Variants in SEMA4D observed in about 807,000 individuals in gnomAD.
The protein encoded by SEMA4D is semaphorin 4D.
Under a neutral mutation model 74.8 loss-of-function variants are expected in SEMA4D, and 22 were observed. The observed-to-expected ratio is 0.29, with a 90% CI of 0.21 to 0.42. The LOEUF is 0.42. Among genes scored for constraint, SEMA4D ranks in the 10% least tolerant of loss-of-function variants. The pLI is 1.00. For synonymous variants in SEMA4D, 445 were observed against 463.7 expected, an observed-to-expected ratio of 0.96 and a Z score of 0.52; for missense variants, 937 against 1,118.4, an observed-to-expected ratio of 0.84 and a Z score of 2.31.
At chr9:89,452,490 C>T (rs1854834827) in intron 2 of SEMA4D, among the ~76,000 whole-genome samples, 1 of 151,922 alleles carries the variant, frequency 6.6e-6, no homozygotes, top group South Asian at 2.1e-4. Flanking sequence ...TTCACTCTGT[C>T]GCCTAGGCTG....
chr9:89,424,725 G>A (rs1389297479), intron 2 of SEMA4D, among the ~76,000 whole-genome samples: 3 of 150,512 alleles, frequency 2.0e-5, no homozygotes, highest in Middle Eastern at 3.4e-3. Context: ...TCACACCCAC[G>A]GTTCATACCA....
chr9:89,481,123 C>T (rs968138970), intron 1 of SEMA4D, among the ~76,000 whole-genome samples: 2 of 152,258 alleles, frequency 1.3e-5, no homozygotes, highest in African/African-American at 2.4e-5. Flanking sequence ...GGGTAGATGG[C>T]AGCAGATTGA....
chr9:89,388,966 T>A lies in SEMA4D; in HGVS notation c.856A>T (p.Ser286Cys). 6.2e-7 allele frequency: 1 copy of A among 1,614,164 alleles called. No homozygotes were observed. The highest frequency in any genetic ancestry group is 8.5e-7 in the Non-Finnish European group (1 of 1,180,028). The change falls in exon 10 of 16, where the codon AGC (serine) becomes TGC (cysteine). Residue 286 changes from serine (S) to cysteine (C), a missense_variant. Transcript: ENST00000422704. ...KARLICSRPD[S>C]GLVFNVLRDV... ...CGCAGCACATTGAAGACCAAGCCGCTGTCTGGCCGGGAGCAGATGAGTCGG... is the reference window on the plus strand; with the variant it reads ...CGCAGCACATTGAAGACCAAGCCGCAGTCTGGCCGGGAGCAGATGAGTCGG...
At position 89,440,527 on chromosome 9, in the gene SEMA4D, C is replaced by T. The variant is rs566789381; in HGVS notation, c.-244+15361G>A. Among the ~76,000 whole-genome samples the T allele has an allele frequency of 1.6e-4, 25 of 152,298 alleles. No homozygotes were observed. The South Asian group carries it at 1.9e-3, about 11-fold the overall frequency. ...CCCTCCGCTTGCCCTCCACACTCAG[C>T]CCCCAAGGAGGCTGCACCCTCCACA... On this transcript the variant is annotated intron_variant, in intron 2 of 15. Transcript: ENST00000422704.
At chr9:89,386,192 G>T in intron 13 of SEMA4D, 175 bp downstream of exon 13, 1 of 635,176 alleles carries the variant, frequency 1.6e-6, no homozygotes, top group Non-Finnish European at 2.0e-6. Flanking sequence ...CCCCAATTCA[G>T]ATCCCACAGC....
At position 89,378,675 on chromosome 9, in the gene SEMA4D, G is replaced by A. The variant is rs201727999; in HGVS notation, c.*29C>T. 2.2e-5 allele frequency: 35 copies of A among 1,569,014 alleles called. No homozygotes were observed. Among genetic ancestry groups the A allele is most frequent in the East Asian group, 4.5e-5 (2 of 44,568 alleles). On this transcript the variant is annotated 3_prime_UTR_variant, in exon 16 of 16. Transcript: ENST00000422704. Reference sequence around the variant, plus strand: ...CTCCACGCCTGGACACGTCGCAGCCGAGGCACCAGCGGGGATGCACAGCCG... The same window carrying A: ...CTCCACGCCTGGACACGTCGCAGCCAAGGCACCAGCGGGGATGCACAGCCG...
intron 1 of SEMA4D, among the ~76,000 whole-genome samples, chr9:89,470,023 A>G (rs2135929264): frequency 6.6e-6 from 1 of 152,374 alleles, no homozygotes; most frequent in South Asian, 2.1e-4. Context: ...TTTTTGTACA[A>G]AAAAGCTCTT....
At chr9:89,400,517 C>T (rs939833647) in intron 4 of SEMA4D, among the ~76,000 whole-genome samples, 1 of 152,202 alleles carries the variant, frequency 6.6e-6, no homozygotes, top group Non-Finnish European at 1.5e-5. Context: ...CTTTAGGTTT[C>T]TAACTAACTC....
intron 2 of SEMA4D, among the ~76,000 whole-genome samples, chr9:89,421,117 C>T (rs1481038056): frequency 6.6e-6 from 1 of 152,230 alleles, no homozygotes; most frequent in Non-Finnish European, 1.5e-5. Context: ...TTCCCCAGGT[C>T]CACATAGACT....
At chr9:89,362,758 T>C (rs189356654) in intron 18 of SEMA4D, among the ~76,000 whole-genome samples, 1 of 152,368 alleles carries the variant, frequency 6.6e-6, no homozygotes, top group East Asian at 1.9e-4. Flanking sequence ...GGTGTACTGC[T>C]GGCAGCCACG....
Position 89,378,160 on chromosome 9 carries a change from A to G in SEMA4D, c.*544T>C, listed in dbSNP as rs1167449360. 2 of 153,052 alleles carry G rather than the reference A, an allele frequency of 1.3e-5. No homozygotes were observed. The highest frequency in any genetic ancestry group is 4.8e-5 in the African/African-American group (2 of 41,432). 9.5% of individuals were successfully genotyped at this position (153,052 alleles called of 1,614,324 possible). On this transcript the variant is annotated 3_prime_UTR_variant, in exon 16 of 16. Coordinates refer to ENST00000422704, the MANE Select transcript of SEMA4D (RefSeq NM_001371194.2). ...TATACATCTTCTTCTAAATATTAAC[A>G]CAACTGCTTCTGTAACTAAAAAAAA...
At chr9:89,494,459 C>T (rs1825856850) in intron 1 of SEMA4D, among the ~76,000 whole-genome samples, 1 of 152,200 alleles carries the variant, frequency 6.6e-6, no homozygotes, top group African/African-American at 2.4e-5. Flanking sequence ...AGGTGTGTGT[C>T]CTTCCAGATG....
At chr9:89,402,210 C>CTATGTTTAAA (rs1355311227) in intron 4 of SEMA4D, among the ~76,000 whole-genome samples, 1 of 152,128 alleles carries the variant, frequency 6.6e-6, no homozygotes, top group Non-Finnish European at 1.5e-5. Flanking sequence ...TTTAAAGACA[C>CTATGTTTAAA]CGAGGAATCA....
intron 16 of SEMA4D, chr9:89,363,980 G>C (rs748721802): frequency 1.2e-6 from 2 of 1,613,804 alleles, no homozygotes; most frequent in South Asian, 2.2e-5. Context: ...CCACCTCTGA[G>C]TCCACATTTA....
At position 89,471,427 on chromosome 9, in the gene SEMA4D, T is replaced by C. The variant is rs150809268; in HGVS notation, c.-309-15474A>G. Reference sequence around the variant, plus strand: ...ACAAGAATAGATTTAGAAAATTGTATTTGTATAAAAATAAAACAATAAAAG... The same window carrying C: ...ACAAGAATAGATTTAGAAAATTGTACTTGTATAAAAATAAAACAATAAAAG... On this transcript the variant is annotated intron_variant, in intron 1 of 15. Coordinates refer to ENST00000422704, the MANE Select transcript of SEMA4D (RefSeq NM_001371194.2). Among the ~76,000 whole-genome samples, 585 of 152,350 alleles carry C rather than the reference T, an allele frequency of 3.8e-3. 3 individuals carry two copies. The highest frequency in any genetic ancestry group is 6.4e-3 in the Admixed American group (98 of 15,300).
chr9:89,472,223 G>A lies in SEMA4D; in HGVS notation c.-309-16270C>T. The A allele has an allele frequency of 1.2e-5, 3 of 256,184 alleles. No individual in the cohort carries two copies. The South Asian group carries it at 1.3e-4, about 11-fold the overall frequency. 15.9% of individuals were successfully genotyped at this position (256,184 alleles called of 1,614,324 possible). A position where few individuals can be genotyped will look rare whatever the true frequency, so the allele number is the denominator to read the frequency against. Reference sequence around the variant, plus strand: ...CCAAGGGTGAAGTCACTGGTGGAGGGTAAAGAACACAAGATGGCAGCCACC... The same window carrying A: ...CCAAGGGTGAAGTCACTGGTGGAGGATAAAGAACACAAGATGGCAGCCACC... On this transcript the variant is annotated intron_variant, in intron 1 of 15. Coordinates refer to ENST00000422704, the MANE Select transcript of SEMA4D (RefSeq NM_001371194.2).
At chr9:89,450,687 AGG>A in intron 2 of SEMA4D, 4 of 982,316 alleles carry the variant, frequency 4.1e-6, no homozygotes, top group Non-Finnish European at 4.6e-6. Context: ...AAAAAAAAAA[AGG>A]CCTCCAAGAC....
chr9:89,419,911 C>T (rs915721565), intron 2 of SEMA4D, among the ~76,000 whole-genome samples: 7 of 151,912 alleles, frequency 4.6e-5, no homozygotes, highest in East Asian at 1.9e-4. Flanking sequence ...AAAAAGACTC[C>T]GTCTCAAAAA....
intron 13 of SEMA4D, chr9:89,385,866 G>GGGGGGGGGGGGCCCCCCCCCCCCCC: frequency 5.1e-6 from 1 of 196,226 alleles, no homozygotes; most frequent in Non-Finnish European, 9.0e-6. Flanking sequence ...CAGCGTGGAT[G>GGGGGGGGGGGGCCCCCCCCCCCCCC]CCCGCCCACC....
Sources: allele counts gnomAD v4.1 joint callset (sites outside exome capture counted in the v4.1 genomes callset), GRCh38; gene constraint gnomAD v4.1.1; transcripts MANE v1.5; gene names NCBI Gene and HGNC (gene_info 2026-07-23, HGNC 2026-07-21).